The following COL5A2 variants were observed in gnomAD, a reference collection of about 807,000 sequenced individuals.
COL5A2 encodes collagen alpha-2(V) chain.
Under a neutral mutation model 208.2 loss-of-function variants are expected in COL5A2, and 23 were observed. The observed-to-expected ratio is 0.11, with a 90% CI of 0.08 to 0.16. The LOEUF (loss-of-function observed/expected upper bound fraction) is 0.16, where lower values mean the gene tolerates loss of function less well. COL5A2 is among the 10% of genes least tolerant of loss of function. COL5A2 has a pLI of 1.00. For synonymous variants in COL5A2, 625 were observed against 628.5 expected (o/e 0.99, Z 0.08); for missense variants, 1,590 against 1,956.4 (o/e 0.81, Z 3.53).
the COL5A2 span, among the ~76,000 whole-genome samples, chr2:189,385,554 C>T: frequency 4.0e-5 from 6 of 151,822 alleles, no homozygotes; most frequent in African/African-American, 1.5e-4. Flanking sequence ...CTCCACAAAG[C>T]AATGTACAGA....
At chr2:189,167,640 A>T (rs1688491838) in intron 1 of COL5A2, among the ~76,000 whole-genome samples, 1 of 150,050 alleles carries the variant, frequency 6.7e-6, no homozygotes, top group African/African-American at 2.4e-5. Flanking sequence ...AAGGAAAAAT[A>T]GGGAAGGATT....
the COL5A2 span, among the ~76,000 whole-genome samples, chr2:189,427,550 A>G: frequency 2.0e-5 from 3 of 152,148 alleles, no homozygotes; most frequent in Non-Finnish European, 4.4e-5. Flanking sequence ...CCAGAATTGT[A>G]GCTCCACCAA....
chr2:189,329,797 A>G, the COL5A2 span, among the ~76,000 whole-genome samples: 1 of 152,210 alleles, frequency 6.6e-6, no homozygotes, highest in African/African-American at 2.4e-5. Flanking sequence ...CTTTCAAACA[A>G]AAAACTTCAA....
At chr2:189,428,903 G>C in the COL5A2 span, among the ~76,000 whole-genome samples, 1 of 152,204 alleles carries the variant, frequency 6.6e-6, no homozygotes, top group Non-Finnish European at 1.5e-5. Flanking sequence ...AACTTAAAAA[G>C]TCAATGTCAA....
At chr2:189,124,562 A>T (rs1460542725) in intron 1 of COL5A2, among the ~76,000 whole-genome samples, 2 of 152,164 alleles carry the variant, frequency 1.3e-5, no homozygotes, top group African/African-American at 2.4e-5. Flanking sequence ...TAAACAGGGG[A>T]TGATAAAAAA....
chr2:189,333,721 T>C, the COL5A2 span, among the ~76,000 whole-genome samples: 3 of 152,022 alleles, frequency 2.0e-5, no homozygotes, highest in African/African-American at 2.4e-5. Flanking sequence ...AGGGAATACA[T>C]GTAATAAGAA....
chr2:189,088,606 T>C, intron 8 of COL5A2, 89 bp downstream of exon 8: 1 of 938,978 alleles, frequency 1.1e-6, no homozygotes, highest in East Asian at 2.4e-5. Context: ...AAGATGCATG[T>C]TATTCTTTGA....
At chr2:189,367,239 T>C in the COL5A2 span, among the ~76,000 whole-genome samples, 1 of 152,168 alleles carries the variant, frequency 6.6e-6, no homozygotes, top group African/African-American at 2.4e-5. Flanking sequence ...ACTGCCCGAA[T>C]TGGCCCAGGA....
the COL5A2 span, among the ~76,000 whole-genome samples, chr2:189,322,788 A>T: frequency 2.5e-4 from 38 of 152,216 alleles, no homozygotes; most frequent in Non-Finnish European, 5.0e-4. Flanking sequence ...AACTACTCCA[A>T]TCAATAGAAA....
chr2:189,355,801 G>A, the COL5A2 span, among the ~76,000 whole-genome samples: 1 of 152,158 alleles, frequency 6.6e-6, no homozygotes, highest in Admixed American at 6.5e-5. Context: ...TGTTATGTGT[G>A]AATCTGATCC....
chr2:189,062,801 C>T (rs1168989597), intron 29 of COL5A2, 64 bp downstream of exon 29: 2 of 1,590,860 alleles, frequency 1.3e-6, no homozygotes, highest in East Asian at 2.2e-5. Flanking sequence ...GAACAAACAT[C>T]ATCGAAAAAA....
intron 31 of COL5A2, 127 bp from the exon 32 acceptor site, chr2:189,059,020 T>G: frequency 1.4e-6 from 1 of 690,106 alleles, no homozygotes; most frequent in Non-Finnish European, 2.6e-6. Flanking sequence ...AGCCAACAAT[T>G]TAAAGAAAGA....
intron 1 of COL5A2, among the ~76,000 whole-genome samples, chr2:189,223,249 T>TACA (rs1689370059): frequency 6.6e-6 from 1 of 152,196 alleles, no homozygotes; most frequent in South Asian, 2.1e-4. Context: ...TAACATTTTT[T>TACA]TCCTCCTCCA....
chr2:189,388,941 TG>T, the COL5A2 span, among the ~76,000 whole-genome samples: 2 of 152,194 alleles, frequency 1.3e-5, no homozygotes, highest in African/African-American at 2.4e-5. Context: ...AAAATGCTAA[TG>T]GAAGAGCCAC....
intron 47 of COL5A2, 131 bp from the exon 48 acceptor site, chr2:189,043,389 A>C: frequency 5.0e-6 from 3 of 603,386 alleles, no homozygotes; most frequent in Non-Finnish European, 8.7e-6. Flanking sequence ...GGATTAATAT[A>C]TTTACTTATC....
the COL5A2 span, among the ~76,000 whole-genome samples, chr2:189,370,688 A>G: frequency 4.3e-3 from 651 of 152,306 alleles, 2 homozygotes; most frequent in African/African-American, 0.015. Flanking sequence ...ATCTTCTTCT[A>G]TAAACACATA....
chr2:189,345,686 C>T, the COL5A2 span, among the ~76,000 whole-genome samples: 1 of 152,022 alleles, frequency 6.6e-6, no homozygotes, highest in Non-Finnish European at 1.5e-5. Flanking sequence ...TTGGATTTGG[C>T]AATATGGAGG....
At chr2:189,173,256 G>A (rs1688609357) in intron 1 of COL5A2, among the ~76,000 whole-genome samples, 2 of 152,020 alleles carry the variant, frequency 1.3e-5, no homozygotes, top group Non-Finnish European at 2.9e-5. Flanking sequence ...TTACAGGAGT[G>A]AGCCACACAC....
chr2:189,339,350 C>CAAA, the COL5A2 span, among the ~76,000 whole-genome samples: 1 of 114,388 alleles, frequency 8.7e-6, no homozygotes, highest in African/African-American at 3.2e-5. Context: ...GACTCTGTCT[C>CAAA]AAAAAAAAAA....
Sources: allele counts gnomAD v4.1 joint callset (sites outside exome capture counted in the v4.1 genomes callset), GRCh38; gene constraint gnomAD v4.1.1; transcripts MANE v1.5; gene names NCBI Gene and HGNC (gene_info 2026-07-23, HGNC 2026-07-21).